TTN: variants seen among roughly 807,000 people sequenced by gnomAD.
TTN encodes connectin.
TTN carries 1,525 observed loss-of-function variants against 3,223.0 expected under a neutral mutation model. The ratio of observed to expected loss-of-function variants is 0.47; its 90% CI spans 0.45 to 0.49. The LOEUF is 0.49. Among genes scored for constraint, TTN ranks in the 20% least tolerant of loss-of-function variants. TTN has a pLI of 0.00. For missense variants in TTN, 40,786 were observed against 43,424.0 expected, an observed-to-expected ratio of 0.94 and a Z score of 5.40; for synonymous variants, 14,094 against 15,161.0, an observed-to-expected ratio of 0.93 and a Z score of 5.17.
At chr2:178,670,797 G>A (rs912707988) in intron 156 of TTN, among the ~76,000 whole-genome samples, 2 of 151,902 alleles carry the variant, frequency 1.3e-5, no homozygotes, top group Non-Finnish European at 2.9e-5. Context: ...TTATCAGTAA[G>A]CATGTTAGTG....
intron 16 of TTN, 141 bp from the exon 17 acceptor site, chr2:178,783,926 T>C: frequency 3.0e-6 from 4 of 1,348,348 alleles, no homozygotes; most frequent in Non-Finnish European, 4.2e-6. Context: ...CTCTGACCCA[T>C]ACTATGCTCC....
rs1230458931 is a variant in TTN at position 178,720,599 on chromosome 2, G to A, written c.23163C>T (p.Leu7721=). 4 of 1,613,192 alleles carry A rather than the reference G, an allele frequency of 2.5e-6. No individual in the cohort carries two copies. The highest frequency in any genetic ancestry group is 3.4e-6 in the Non-Finnish European group (4 of 1,179,506). ...GGGGAGTTCCCGAAATTTCACATTG[G>A]AGAATCACATCAGAACCTTTAAGAG... ...VGALKGSDVI[L]QCEISGTPPF... Residue 7721 remains leucine (L), a synonymous_variant, in exon 80 of 363, where the codon CTC becomes CTT. Transcript: ENST00000589042.
chr2:178,554,100 C>G lies in TTN; in HGVS notation c.89011G>C (p.Glu29671Gln). Reference sequence around the variant, plus strand: ...CCTAGGCTCTTCTTGTCTCGTTTTTCAAGGAAATAGCCACTTATATCACTA... The same window carrying G: ...CCTAGGCTCTTCTTGTCTCGTTTTTGAAGGAAATAGCCACTTATATCACTA... ...GGSDISGYFL[E>Q]KRDKKSLGWF... Residue 29671 changes from glutamate (E) to glutamine (Q), a missense_variant, in exon 333 of 363, where the codon GAA becomes CAA. Transcript: ENST00000589042. 6.2e-7 allele frequency: 1 copy of G among 1,613,846 alleles called. No individual in the cohort carries two copies.
In TTN at chr2:178,531,406, G is replaced by A. The variant is rs770922693; in HGVS notation, c.105209C>T (p.Thr35070Ile). 22 of 1,613,894 alleles carry A rather than the reference G, an allele frequency of 1.4e-5. No individual in the cohort carries two copies. The highest frequency in any genetic ancestry group is 1.9e-5 in the Non-Finnish European group (22 of 1,179,894). ...EAYAVSSFKK[T>I]SEMEASSSVR... ...AGAAGACGAAGCTTCCATCTCAGAT[G>A]TTTTCTTAAATGATGAAACAGCATA... The change falls in exon 358 of 363, where the codon ACA (threonine) becomes ATA (isoleucine). Residue 35070 changes from threonine to isoleucine, a missense_variant. Physicochemically the swap from Thr to Ile is moderately conservative, Grantham distance 89. Coordinates refer to ENST00000589042, the MANE Select transcript of TTN (RefSeq NM_001267550.2).
At position 178,562,538 on chromosome 2, in the gene TTN, AG is replaced by A. The variant is rs1207175460; in HGVS notation, c.83593del (p.Leu27865SerfsTer6). On this transcript the variant is annotated frameshift_variant, in exon 326 of 363. Transcript: ENST00000589042. LOFTEE classifies it high-confidence loss of function. The part of the protein sequence containing the change: ...TEPVKVSEPP[L>X]PPGRVTLVDV... ...AACAAGAGTTACTCTTCCAGGTGGG[AG>A]GGGTGGTTCAGACACTTTAACGGGT... 1 of 1,610,328 alleles carries A rather than the reference AG, an allele frequency of 6.2e-7. No homozygotes were observed. The highest frequency in any genetic ancestry group is 1.1e-5 in the South Asian group (1 of 90,072).
In TTN at chr2:178,771,417, G is replaced by A; in HGVS notation, c.7910C>T (p.Ala2637Val). ...TDQTVAESQE[A>V]VFECEVANPD... The stretch of plus-strand genomic sequence containing the variant: ...GTTGGCAACTTCACATTCAAACACA[G>A]CTTCCTGGGATTCAGCTACGGTCTG... The change falls in exon 34 of 363, where the codon GCT becomes GTT. Residue 2637 changes from alanine to valine, a missense_variant. Physicochemically the swap from Ala to Val is moderately conservative, Grantham distance 64 (BLOSUM62 0). Coordinates refer to ENST00000589042, the MANE Select transcript of TTN (RefSeq NM_001267550.2). 5 of 1,613,986 alleles carry A rather than the reference G, an allele frequency of 3.1e-6. No individual in the cohort carries two copies. The highest frequency in any genetic ancestry group is 4.2e-6 in the Non-Finnish European group (5 of 1,179,884).
chr2:178,794,966 T>C lies in TTN; in HGVS notation c.1201A>G (p.Ser401Gly), dbSNP rs750083694. 13 of 1,605,746 alleles carry C rather than the reference T, an allele frequency of 8.1e-6. No homozygotes were observed. Among genetic ancestry groups the C allele is most frequent in the Admixed American group, 1.7e-5 (1 of 60,014 alleles). ...ACAGCCTCTGCTGCGTAGCTAGCACTGGCCGACACACTGGCGGCAGCACCC... is the reference window on the plus strand; with the variant it reads ...ACAGCCTCTGCTGCGTAGCTAGCACCGGCCGACACACTGGCGGCAGCACCC... ...AAGAAASVSA[S>G]ASYAAEAVAT... is the part of the protein sequence containing the mutation. Residue 401 changes from serine (S) to glycine (G), a missense_variant, in exon 7 of 363, where the codon AGT (serine) becomes GGT (glycine). Transcript: ENST00000589042.
At chr2:178,689,945 T>C in intron 121 of TTN, 49 bp from the exon 122 acceptor site, 1 of 1,501,206 alleles carries the variant, frequency 6.7e-7, no homozygotes, top group Non-Finnish European at 9.2e-7. Context: ...ATCACTTTTA[T>C]GAAAGAACAT....
rs1285719180 is a variant in TTN at position 178,616,569 on chromosome 2, C to G, written c.48222G>C (p.Leu16074Phe). Residue 16074 changes from leucine (L) to phenylalanine (F), a missense_variant, in exon 257 of 363, where the codon TTG (leucine) becomes TTC (phenylalanine). Physicochemically the swap from Leu to Phe is conservative, Grantham distance 22. Transcript: ENST00000589042. ...CATCATCATCAGGTGGTTCCCAAGT[C>G]AAATGTACTGAGTCCTTGGTTATAT... ...FGDITKDSVH[L>F]TWEPPDDDGG... The G allele has an allele frequency of 6.2e-7, 1 of 1,612,354 alleles. No individual in the cohort carries two copies. The highest frequency in any genetic ancestry group is 1.7e-4 in the Middle Eastern group (1 of 6,046).
rs746565128 is a variant in TTN at position 178,568,256 on chromosome 2, G to C, written c.77876C>G (p.Thr25959Arg). ...TLKVTKLKTG[T>R]EYQFRIFAEN... ...GGCAAATATTCTAAATTGGTATTCTGTACCAGTTTTCAGTTTGGTCACTTT... is the reference window on the plus strand; with the variant it reads ...GGCAAATATTCTAAATTGGTATTCTCTACCAGTTTTCAGTTTGGTCACTTT... The change falls in exon 326 of 363, where the codon ACA (threonine) becomes AGA (arginine). Residue 25959 changes from threonine to arginine, a missense_variant. By Grantham distance (71) the Thr-to-Arg change is moderately conservative. Transcript: ENST00000589042. 6.2e-7 allele frequency: 1 copy of C among 1,613,476 alleles called. No individual in the cohort carries two copies. Among genetic ancestry groups the C allele is most frequent in the Non-Finnish European group, 8.5e-7 (1 of 1,179,592 alleles).
chr2:178,720,966 T>C lies in TTN; in HGVS notation c.23053A>G (p.Asn7685Asp). The change falls in exon 79 of 363, where the codon AAT becomes GAT. Residue 7685 changes from asparagine (N) to aspartate (D), a missense_variant. Asn to Asp is a conservative substitution (Grantham distance 23). Coordinates refer to ENST00000589042, the MANE Select transcript of TTN (RefSeq NM_001267550.2). ...DSGDYICEAH[N>D]GVGDASCSTA... is the part of the protein sequence containing the mutation. ...CTGCAGCTGGCGTCACCAACACCAT[T>C]ATGAGCCTCACAAATGTAGTCCCCG... 1.2e-6 allele frequency: 2 copies of C among 1,606,760 alleles called. No individual in the cohort carries two copies. Among genetic ancestry groups the C allele is most frequent in the Non-Finnish European group, 1.7e-6 (2 of 1,173,958 alleles).
At position 178,726,007 on chromosome 2, in the gene TTN, G is replaced by T. The variant is rs765440640; in HGVS notation, c.20315C>A (p.Thr6772Asn). 2 of 1,582,560 alleles carry T rather than the reference G, an allele frequency of 1.3e-6. No homozygotes were observed. The highest frequency in any genetic ancestry group is 1.4e-5 in the African/African-American group (1 of 73,664). Residue 6772 changes from threonine (T) to asparagine (N), a missense_variant, in exon 70 of 363, where the codon ACC (threonine) becomes AAC (asparagine). By Grantham distance (65) the Thr-to-Asn change is moderately conservative (BLOSUM62 0). Transcript: ENST00000589042. ...VFSSFPPIVETLKNAEVSLEC... is the reference protein window; with the variant it reads ...VFSSFPPIVENLKNAEVSLEC... ...AAGACTGACTTCAGCATTTTTAAGG[G>T]TTTCTACTATAGGAGGGAAGCTGCT...
intron 60 of TTN, 28 bp downstream of exon 60, chr2:178,730,897 A>G: frequency 1.3e-6 from 2 of 1,554,776 alleles, no homozygotes; most frequent in South Asian, 2.5e-5. Flanking sequence ...GAAATGCCCA[A>G]TCCTCTCTGT....
At chr2:178,551,549 A>G in intron 335 of TTN, 81 bp downstream of exon 335, 1 of 1,199,874 alleles carries the variant, frequency 8.3e-7, no homozygotes, top group East Asian at 2.5e-5. Flanking sequence ...GGTGATGCAG[A>G]GAAGAAAAGC....
At chr2:178,783,916 C>T in intron 16 of TTN, 131 bp from the exon 17 acceptor site, 1 of 1,212,654 alleles carries the variant, frequency 8.2e-7, no homozygotes, top group Non-Finnish European at 1.1e-6. Flanking sequence ...AGAAAATGAT[C>T]TCTGACCCAT....
chr2:178,614,918 T>A lies in TTN; in HGVS notation c.48689A>T (p.Lys16230Met). 1 of 1,592,042 alleles carries A rather than the reference T, an allele frequency of 6.3e-7. No individual in the cohort carries two copies. Among genetic ancestry groups the A allele is most frequent in the Non-Finnish European group, 8.6e-7 (1 of 1,167,990 alleles). The part of the protein sequence containing the change: ...EEGKWYAYRV[K>M]ALNRQGASKP... ...GCTAGCACCCTGCCTGTTTAAGGCCTTCACGCGGTAGGCATACCATTTGCC... is the reference window on the plus strand; with the variant it reads ...GCTAGCACCCTGCCTGTTTAAGGCCATCACGCGGTAGGCATACCATTTGCC... The change falls in exon 260 of 363, where the codon AAG becomes ATG. Residue 16230 changes from lysine (K) to methionine (M), a missense_variant. Lys to Met is a moderately conservative substitution (Grantham distance 95, BLOSUM62 -1). Transcript: ENST00000589042.
chr2:178,689,646 C>G, intron 122 of TTN, 51 bp from the exon 123 acceptor site: 1 of 1,527,558 alleles, frequency 6.5e-7, no homozygotes, highest in South Asian at 1.2e-5. Flanking sequence ...AGTAGCTATG[C>G]ACAGTTATTT....
At position 178,633,050 on chromosome 2, in the gene TTN, TG is replaced by T. The variant is rs1255039717; in HGVS notation, c.43087-7del. 9 of 1,611,994 alleles carry T rather than the reference TG, an allele frequency of 5.6e-6. No homozygotes were observed. Among genetic ancestry groups the T allele is most frequent in the Non-Finnish European group, 7.6e-6 (9 of 1,178,970 alleles). ...TCCTCAATGATTTCACAGTCCTGTT[TG>T]GAGTGAGGGTTAGAAGGAAAGAAAG... is the stretch of plus-strand genomic sequence containing the variant. On this transcript the variant is annotated splice_polypyrimidine_tract_variant and splice_region_variant and intron_variant, in intron 233 of 362. Transcript: ENST00000589042.
At chr2:178,640,978 G>A (rs1173851211) in intron 220 of TTN, among the ~76,000 whole-genome samples, 1 of 151,886 alleles carries the variant, frequency 6.6e-6, no homozygotes, top group Non-Finnish European at 1.5e-5. Flanking sequence ...ATAGCCACTT[G>A]ATTATTTCAG....
Sources: gnomAD v4.1 joint callset for allele counts (sites outside exome capture counted in the v4.1 genomes callset) on GRCh38, gnomAD v4.1.1 for gene constraint, MANE v1.5 for transcripts, NCBI Gene and HGNC (gene_info 2026-07-23, HGNC 2026-07-21) for gene names.